DUSP13B: variants seen among roughly 807,000 people sequenced by gnomAD.
DUSP13B encodes dual specificity protein phosphatase 13B.
chr10:75,102,092 T>A, the DUSP13B span: 1 of 550,150 alleles, frequency 1.8e-6, no homozygotes, highest in Non-Finnish European at 3.0e-6. Flanking sequence ...CACCTTTCCC[T>A]CCAGGCCCAG....
chr10:75,105,795 G>A, the DUSP13B span: 37 of 1,550,964 alleles, frequency 2.4e-5, no homozygotes, highest in Non-Finnish European at 3.2e-5. Flanking sequence ...ACAGCCGCTG[G>A]TGCAGCATGA....
chr10:75,096,431 G>T, the DUSP13B span, among the ~76,000 whole-genome samples: 1 of 152,100 alleles, frequency 6.6e-6, no homozygotes, highest in East Asian at 1.9e-4. Flanking sequence ...GCAAAAATTA[G>T]CCAGGCATGG....
At chr10:75,097,168 G>A in the DUSP13B span, among the ~76,000 whole-genome samples, 1 of 152,148 alleles carries the variant, frequency 6.6e-6, no homozygotes. Context: ...ACTGGGTGAT[G>A]AAGCTGTTCA....
the DUSP13B span, chr10:75,099,172 G>A: frequency 8.1e-7 from 1 of 1,230,708 alleles, no homozygotes; most frequent in Non-Finnish European, 1.0e-6. Context: ...GTGCCGTGTT[G>A]GAGAGGGGGT....
chr10:75,094,904 A>C, the DUSP13B span: 1 of 1,609,048 alleles, frequency 6.2e-7, no homozygotes, highest in Non-Finnish European at 8.5e-7. Context: ...ACTTAGCATC[A>C]GCTACCTGCC....
At chr10:75,109,101 G>A in the DUSP13B span, 1 of 1,612,016 alleles carries the variant, frequency 6.2e-7, no homozygotes, top group East Asian at 2.2e-5. Context: ...CCAGGATGCT[G>A]GGGCAAGGCG....
At chr10:75,100,088 C>A in the DUSP13B span, among the ~76,000 whole-genome samples, 2 of 152,108 alleles carry the variant, frequency 1.3e-5, no homozygotes, top group Non-Finnish European at 2.9e-5. Context: ...CGGGCTCAGG[C>A]CTGCGGAGCT....
chr10:75,106,959 T>C, the DUSP13B span, among the ~76,000 whole-genome samples: 2 of 152,352 alleles, frequency 1.3e-5, no homozygotes, highest in South Asian at 4.1e-4. Flanking sequence ...TCTTCTAGGA[T>C]GGACACAAAG....
At chr10:75,105,689 G>A in the DUSP13B span, 30 of 1,549,696 alleles carry the variant, frequency 1.9e-5, no homozygotes, top group South Asian at 2.3e-4. Context: ...CCGGCACCCC[G>A]CAGTTGCTGG....
At chr10:75,097,758 G>T in the DUSP13B span, 1 of 1,613,716 alleles carries the variant, frequency 6.2e-7, no homozygotes, top group African/African-American at 1.3e-5. Flanking sequence ...ATATGGTTCA[G>T]TGTGGCAGCC....
the DUSP13B span, chr10:75,097,730 C>G: frequency 1.3e-6 from 2 of 1,591,198 alleles, no homozygotes; most frequent in Non-Finnish European, 1.7e-6. Context: ...CAGGAAGAGG[C>G]TGGGCCAGAC....
At chr10:75,102,110 T>C in the DUSP13B span, 3 of 454,234 alleles carry the variant, frequency 6.6e-6, no homozygotes, top group African/African-American at 6.1e-5. Flanking sequence ...CAGGCCTCTG[T>C]CCCAGCACTG....
At chr10:75,100,895 A>T in the DUSP13B span, among the ~76,000 whole-genome samples, 2 of 152,234 alleles carry the variant, frequency 1.3e-5, no homozygotes, top group African/African-American at 4.8e-5. Context: ...TGCCCAAGAC[A>T]TCGGGCAGAG....
chr10:75,106,933 G>T, the DUSP13B span, among the ~76,000 whole-genome samples: 1 of 152,258 alleles, frequency 6.6e-6, no homozygotes, highest in East Asian at 1.9e-4. Flanking sequence ...GGGTCACACA[G>T]TGAGGGACAC....
At chr10:75,100,476 G>A in the DUSP13B span, among the ~76,000 whole-genome samples, 539 of 152,292 alleles carry the variant, frequency 3.5e-3, 2 homozygotes, top group African/African-American at 0.012. Context: ...GGAAGTCGGT[G>A]GTTGTGGCAG....
the DUSP13B span, chr10:75,102,085 C>T: frequency 1.6e-6 from 1 of 617,574 alleles, no homozygotes; most frequent in Non-Finnish European, 2.6e-6. Flanking sequence ...AGTCAGGCAC[C>T]TTTCCCTCCA....
the DUSP13B span, chr10:75,097,597 G>C: frequency 5.3e-6 from 5 of 946,554 alleles, no homozygotes; most frequent in Non-Finnish European, 7.4e-6. Flanking sequence ...AGAGACGGTG[G>C]GAGGCAAGCG....
chr10:75,107,525 C>T, the DUSP13B span, among the ~76,000 whole-genome samples: 1 of 152,224 alleles, frequency 6.6e-6, no homozygotes, highest in Admixed American at 6.5e-5. Flanking sequence ...CCTCAGTTTC[C>T]CCATCTGGGA....
At chr10:75,094,929 C>T in the DUSP13B span, 4 of 1,554,172 alleles carry the variant, frequency 2.6e-6, no homozygotes, top group Non-Finnish European at 3.5e-6. Context: ...AACCACCCAC[C>T]CCTTTGGGAA....
Sources: allele counts gnomAD v4.1 joint callset (sites outside exome capture counted in the v4.1 genomes callset), GRCh38; gene constraint gnomAD v4.1.1; transcripts MANE v1.5; gene names NCBI Gene and HGNC (gene_info 2026-07-23, HGNC 2026-07-21).